KIAA1328: variants seen among roughly 807,000 people sequenced by gnomAD.
KIAA1328 encodes protein hinderin.
KIAA1328 carries 52 observed loss-of-function variants against 68.1 expected under a neutral mutation model. That is an observed-to-expected ratio of 0.76 (90% CI 0.61 to 0.96). The LOEUF (loss-of-function observed/expected upper bound fraction) is 0.96. Ranked by LOEUF, KIAA1328 falls within the 40% of genes least tolerant of loss-of-function variation. The probability of loss-of-function intolerance (pLI) is 0.00; values close to 1 mark genes in which losing one functional copy is unlikely to be tolerated. For synonymous variants in KIAA1328, 232 were observed against 239.4 expected (o/e 0.97, Z 0.28); for missense variants, 641 against 677.6 (o/e 0.95, Z 0.60).
chr18:37,120,733 T>G (rs1190849972), intron 7 of KIAA1328, among the ~76,000 whole-genome samples: 1 of 152,100 alleles, frequency 6.6e-6, no homozygotes, highest in East Asian at 1.9e-4. Flanking sequence ...CTACAGAAAT[T>G]TTGCTGTATT....
At chr18:37,212,779 G>A (rs911196873) in intron 9 of KIAA1328, among the ~76,000 whole-genome samples, 15 of 152,086 alleles carry the variant, frequency 9.9e-5, no homozygotes, top group African/African-American at 3.4e-4. Context: ...GGAGTGCACT[G>A]GCACAATCTT....
intron 5 of KIAA1328, among the ~76,000 whole-genome samples, chr18:36,937,680 C>G (rs187993446): frequency 6.6e-6 from 1 of 152,176 alleles, no homozygotes; most frequent in Non-Finnish European, 1.5e-5. Context: ...AGGTAATATA[C>G]TACATTTACC....
At chr18:36,995,799 T>C (rs2053367057) in intron 6 of KIAA1328, among the ~76,000 whole-genome samples, 1 of 152,222 alleles carries the variant, frequency 6.6e-6, no homozygotes, top group Non-Finnish European at 1.5e-5. Flanking sequence ...CCTCCTTTTC[T>C]AGGGTGTAGG....
chr18:36,990,542 C>T (rs1189344972), intron 6 of KIAA1328, among the ~76,000 whole-genome samples: 1 of 151,838 alleles, frequency 6.6e-6, no homozygotes, highest in Admixed American at 6.6e-5. Context: ...GGCATGGTGA[C>T]ACACATCTGT....
intron 6 of KIAA1328, among the ~76,000 whole-genome samples, chr18:37,031,082 T>C (rs1367337495): frequency 6.6e-6 from 1 of 152,204 alleles, no homozygotes; most frequent in Non-Finnish European, 1.5e-5. Flanking sequence ...CAGTCTATCA[T>C]TGATGGACAT....
chr18:37,100,482 C>T (rs938476795), intron 7 of KIAA1328, among the ~76,000 whole-genome samples: 1 of 152,216 alleles, frequency 6.6e-6, no homozygotes, highest in East Asian at 1.9e-4. Context: ...GAGGGGCGCC[C>T]ACCATTGCTG....
chr18:37,004,639 A>C (rs1023070109), intron 6 of KIAA1328, among the ~76,000 whole-genome samples: 1 of 152,154 alleles, frequency 6.6e-6, no homozygotes, highest in African/African-American at 2.4e-5. Context: ...AAACACTTCT[A>C]TACTGTTGGT....
intron 6 of KIAA1328, among the ~76,000 whole-genome samples, chr18:36,999,459 T>C (rs1168863908): frequency 6.6e-6 from 1 of 152,162 alleles, no homozygotes; most frequent in African/African-American, 2.4e-5. Flanking sequence ...GACTTCTCCA[T>C]GGCACATTAA....
chr18:37,112,852 C>T (rs780590205), intron 7 of KIAA1328, among the ~76,000 whole-genome samples: 3 of 152,048 alleles, frequency 2.0e-5, no homozygotes, highest in Admixed American at 6.6e-5. Flanking sequence ...ACAAACACTA[C>T]GTGATGCATG....
At chr18:36,937,312 T>A (rs2050538751) in intron 5 of KIAA1328, among the ~76,000 whole-genome samples, 1 of 152,178 alleles carries the variant, frequency 6.6e-6, no homozygotes, top group Admixed American at 6.5e-5. Flanking sequence ...AAAGACTTCA[T>A]GACAAAAACG....
At chr18:37,029,468 G>A (rs1019353818) in intron 6 of KIAA1328, among the ~76,000 whole-genome samples, 1 of 152,002 alleles carries the variant, frequency 6.6e-6, no homozygotes, top group African/African-American at 2.4e-5. Context: ...CCACCTCCCG[G>A]GCTCGAGTTA....
intron 7 of KIAA1328, among the ~76,000 whole-genome samples, chr18:37,073,611 A>C (rs767666679): frequency 2.0e-5 from 3 of 151,842 alleles, no homozygotes; most frequent in Non-Finnish European, 4.4e-5. Context: ...TGGTTCTTTC[A>C]TTTGTCCTCT....
chr18:37,214,470 C>T (rs1449930217), intron 9 of KIAA1328, among the ~76,000 whole-genome samples: 3 of 152,050 alleles, frequency 2.0e-5, no homozygotes, highest in Non-Finnish European at 4.4e-5. Flanking sequence ...AGATGTGTGG[C>T]ATTATTTCTG....
In KIAA1328 at chr18:36,983,953, T is replaced by C. The variant is rs1242543558; in HGVS notation, c.576+24518T>C. On this transcript the variant is annotated intron_variant, in intron 6 of 9. Coordinates refer to ENST00000280020, the MANE Select transcript of KIAA1328 (RefSeq NM_020776.3). The stretch of plus-strand genomic sequence containing the variant: ...AGGAATACAGGTTTAATTTAGCATT[T>C]GGAAACCAATTAACACAATTCAGCA... 2.0e-5 allele frequency among the ~76,000 whole-genome samples: 3 copies of C among 152,302 alleles called. No homozygotes were observed. The East Asian group carries it at 5.8e-4, about 29-fold the overall frequency.
At chr18:36,866,319 C>T (rs1299339148) in intron 4 of KIAA1328, among the ~76,000 whole-genome samples, 1 of 152,094 alleles carries the variant, frequency 6.6e-6, no homozygotes, top group Non-Finnish European at 1.5e-5. Flanking sequence ...TGTGGATGCC[C>T]TTGTCAGCCA....
chr18:37,009,124 A>G (rs990202247), intron 6 of KIAA1328, among the ~76,000 whole-genome samples: 5 of 152,232 alleles, frequency 3.3e-5, no homozygotes, highest in African/African-American at 1.2e-4. Context: ...TATATAGTCA[A>G]GAATGTCAAT....
chr18:36,961,280 C>A (rs935598155), intron 6 of KIAA1328, among the ~76,000 whole-genome samples: 2 of 152,048 alleles, frequency 1.3e-5, no homozygotes, highest in Non-Finnish European at 2.9e-5. Flanking sequence ...AAAGTAAAAA[C>A]AAACGAGCAA....
chr18:37,066,975 A>G lies in KIAA1328; in HGVS notation c.662A>G (p.Tyr221Cys), dbSNP rs1250919760. 1.4e-5 allele frequency: 23 copies of G among 1,613,404 alleles called. No individual in the cohort carries two copies. Among genetic ancestry groups the G allele is most frequent in the Non-Finnish European group, 1.9e-5 (22 of 1,179,650 alleles). ...YLSIARPQTY[Y>C]QTKQRPKSAV... is the part of the protein sequence containing the mutation. ...AGCATAGCCAGACCACAGACCTACT[A>G]TCAAACCAAGCAAAGACCTAAGTCT... Residue 221 changes from tyrosine (Y) to cysteine (C), a missense_variant, in exon 7 of 10, where the codon TAT (tyrosine) becomes TGT (cysteine). By Grantham distance (194) the Tyr-to-Cys change is radical. Transcript: ENST00000280020.
intron 6 of KIAA1328, among the ~76,000 whole-genome samples, chr18:37,009,483 G>A (rs933908052): frequency 1.3e-5 from 2 of 152,072 alleles, no homozygotes; most frequent in African/African-American, 4.8e-5. Flanking sequence ...TCCAGCAGCT[G>A]TCTCAACTAG....
Sources: gnomAD v4.1 joint callset for allele counts (sites outside exome capture counted in the v4.1 genomes callset) on GRCh38, gnomAD v4.1.1 for gene constraint, MANE v1.5 for transcripts, NCBI Gene and HGNC (gene_info 2026-07-23, HGNC 2026-07-21) for gene names.